The following KIF16B variants were observed in gnomAD, a reference collection of about 807,000 sequenced individuals.
KIF16B encodes the protein kinesin-like protein KIF16B.
In KIF16B, 98 loss-of-function variants were observed where a neutral mutation model predicts 156.3. That is an observed-to-expected ratio of 0.63 (90% CI 0.53 to 0.74). The LOEUF is 0.74. KIF16B is among the 30% of genes least tolerant of loss of function. The pLI is 0.00. For missense variants in KIF16B, 1,421 were observed against 1,606.5 expected (o/e 0.88, Z 1.97); for synonymous variants, 564 against 583.7 (o/e 0.97, Z 0.49).
chr20:16,456,921 C>T (rs2067227523), intron 12 of KIF16B, among the ~76,000 whole-genome samples: 1 of 152,178 alleles, frequency 6.6e-6, no homozygotes, highest in African/African-American at 2.4e-5. Flanking sequence ...ATAGAACTGA[C>T]TATTTCTAAA....
intron 2 of KIF16B, among the ~76,000 whole-genome samples, chr20:16,527,849 G>C (rs2069604554): frequency 6.6e-6 from 1 of 152,060 alleles, no homozygotes; most frequent in South Asian, 2.1e-4. Context: ...ATATTTTTCA[G>C]TGCCAAAGGA....
intron 19 of KIF16B, among the ~76,000 whole-genome samples, chr20:16,377,738 C>G (rs2064989159): frequency 6.6e-6 from 1 of 152,132 alleles, no homozygotes. Context: ...GTTTGCATCA[C>G]CCAGGTGGCT....
At chr20:16,286,239 G>GT (rs1354395898) in intron 25 of KIF16B, among the ~76,000 whole-genome samples, 1 of 152,210 alleles carries the variant, frequency 6.6e-6, no homozygotes, top group Non-Finnish European at 1.5e-5. Context: ...ACAAGCAAGT[G>GT]TATCACTTTA....
chr20:16,431,769 C>T (rs1038554488), intron 12 of KIF16B, among the ~76,000 whole-genome samples: 5 of 151,718 alleles, frequency 3.3e-5, no homozygotes, highest in African/African-American at 1.2e-4. Flanking sequence ...CAGGTCTCTG[C>T]TCAAAAGCCA....
At chr20:16,421,500 ATT>A (rs1300639687) in intron 15 of KIF16B, among the ~76,000 whole-genome samples, 1 of 152,114 alleles carries the variant, frequency 6.6e-6, no homozygotes, top group Non-Finnish European at 1.5e-5. Context: ...ACATCACATC[ATT>A]TTGTGTTTTA....
chr20:16,475,217 G>A (rs2067776119), intron 12 of KIF16B, among the ~76,000 whole-genome samples: 1 of 152,188 alleles, frequency 6.6e-6, no homozygotes, highest in East Asian at 1.9e-4. Context: ...ACTGACATAA[G>A]AGTATTTAGT....
At chr20:16,485,886 T>C (rs1209033918) in intron 12 of KIF16B, among the ~76,000 whole-genome samples, 2 of 152,178 alleles carry the variant, frequency 1.3e-5, no homozygotes, top group Admixed American at 6.5e-5. Context: ...CACATATATA[T>C]ACACACATAT....
At chr20:16,436,713 T>C (rs375198775) in intron 12 of KIF16B, among the ~76,000 whole-genome samples, 4 of 152,226 alleles carry the variant, frequency 2.6e-5, no homozygotes, top group African/African-American at 7.2e-5. Flanking sequence ...TACAGCAGTA[T>C]TGCTGCTGCA....
chr20:16,433,120 T>C (rs1293625767), intron 12 of KIF16B, among the ~76,000 whole-genome samples: 1 of 152,218 alleles, frequency 6.6e-6, no homozygotes, highest in Non-Finnish European at 1.5e-5. Flanking sequence ...GATGTGATTT[T>C]TTTAAAGACA....
chr20:16,412,925 TGTA>T (rs2065995054), intron 15 of KIF16B, among the ~76,000 whole-genome samples: 1 of 151,996 alleles, frequency 6.6e-6, no homozygotes, highest in African/African-American at 2.4e-5. Context: ...TGGCTGATAA[TGTA>T]GTTTCTTGAT....
At chr20:16,548,464 C>G (rs1018431232) in intron 1 of KIF16B, among the ~76,000 whole-genome samples, 1 of 152,182 alleles carries the variant, frequency 6.6e-6, no homozygotes. Context: ...AGGAGGTCAG[C>G]GGCAGGCAAG....
intron 12 of KIF16B, among the ~76,000 whole-genome samples, chr20:16,436,574 G>A (rs2066646487): frequency 6.6e-6 from 1 of 152,170 alleles, no homozygotes; most frequent in Admixed American, 6.5e-5. Context: ...TGAAGGTACA[G>A]TGGGGGGTAT....
chr20:16,310,899 A>G (rs1463128162), intron 25 of KIF16B, among the ~76,000 whole-genome samples: 1 of 152,112 alleles, frequency 6.6e-6, no homozygotes, highest in African/African-American at 2.4e-5. Flanking sequence ...TTCTATATTC[A>G]ATATCTCAAA....
chr20:16,340,937 C>T (rs114683728), intron 23 of KIF16B, among the ~76,000 whole-genome samples: 112 of 152,232 alleles, frequency 7.4e-4, no homozygotes, highest in African/African-American at 2.4e-3. Flanking sequence ...GATGACAAGA[C>T]AGCAAGAAGA....
intron 25 of KIF16B, among the ~76,000 whole-genome samples, chr20:16,298,919 AAG>A (rs1454816203): frequency 6.6e-6 from 1 of 151,958 alleles, no homozygotes; most frequent in Non-Finnish European, 1.5e-5. Flanking sequence ...AAAAAAAAAA[AAG>A]AGAGAAAAAC....
chr20:16,348,402 T>C (rs1342103182), intron 23 of KIF16B, among the ~76,000 whole-genome samples: 2 of 152,250 alleles, frequency 1.3e-5, no homozygotes, highest in Non-Finnish European at 2.9e-5. Flanking sequence ...AATTTCCTAA[T>C]TGGTGAAATA....
intron 12 of KIF16B, among the ~76,000 whole-genome samples, chr20:16,440,483 T>G (rs1269548938): frequency 6.7e-6 from 1 of 150,236 alleles, no homozygotes; most frequent in Non-Finnish European, 1.5e-5. Flanking sequence ...TTTCCATGAC[T>G]TTAAAACAAT....
intron 19 of KIF16B, among the ~76,000 whole-genome samples, chr20:16,375,439 C>T (rs11907725): frequency 6.6e-6 from 1 of 152,140 alleles, no homozygotes; most frequent in African/African-American, 2.4e-5. Flanking sequence ...AAGCCAAGTT[C>T]TGAATTTTCA....
intron 20 of KIF16B, among the ~76,000 whole-genome samples, chr20:16,373,672 G>T (rs2064876263): frequency 6.6e-6 from 1 of 152,114 alleles, no homozygotes; most frequent in South Asian, 2.1e-4. Context: ...TTAATTCTAG[G>T]TCTTCGTTTT....
Sources: allele counts gnomAD v4.1 joint callset (sites outside exome capture counted in the v4.1 genomes callset), GRCh38; gene constraint gnomAD v4.1.1; transcripts MANE v1.5; gene names NCBI Gene and HGNC (gene_info 2026-07-23, HGNC 2026-07-21).